The following CTNNA3 variants were observed in gnomAD, a reference collection of about 807,000 sequenced individuals.
CTNNA3 encodes catenin alpha-3.
Under a neutral mutation model 95.7 loss-of-function variants are expected in CTNNA3, and 76 were observed. The ratio of observed to expected loss-of-function variants is 0.79; its 90% CI spans 0.66 to 0.96. CTNNA3 has a LOEUF of 0.96. CTNNA3 is among the 40% of genes least tolerant of loss of function. The pLI, the probability that CTNNA3 is intolerant of heterozygous loss-of-function variation, is 0.00. For synonymous variants in CTNNA3, 431 were observed against 374.4 expected, an observed-to-expected ratio of 1.15 and a Z score of -1.74; for missense variants, 1,191 against 1,089.8, an observed-to-expected ratio of 1.09 and a Z score of -1.31.
chr10:67,582,875 T>C (rs994478789), intron 3 of CTNNA3, among the ~76,000 whole-genome samples: 24 of 152,084 alleles, frequency 1.6e-4, no homozygotes, highest in African/African-American at 5.8e-4. Context: ...GAGACTAGGA[T>C]TGCAACCCCT....
chr10:66,348,052 G>T (rs534660953), intron 12 of CTNNA3, among the ~76,000 whole-genome samples: 1 of 152,012 alleles, frequency 6.6e-6, no homozygotes, highest in South Asian at 2.1e-4. Context: ...GAATAACAAA[G>T]ACAAAAAACA....
intron 15 of CTNNA3, among the ~76,000 whole-genome samples, chr10:66,052,388 C>G (rs575564857): frequency 6.6e-6 from 1 of 152,118 alleles, no homozygotes; most frequent in East Asian, 1.9e-4. Flanking sequence ...TGAGTACTTA[C>G]TTGAAATGAA....
chr10:66,232,374 C>A (rs1226984661), intron 13 of CTNNA3, among the ~76,000 whole-genome samples: 2 of 151,890 alleles, frequency 1.3e-5, no homozygotes, highest in African/African-American at 4.8e-5. Flanking sequence ...AATCCCAGGA[C>A]CTTTCTGTGC....
chr10:67,316,084 A>T (rs1429259527), intron 5 of CTNNA3, among the ~76,000 whole-genome samples: 1 of 152,150 alleles, frequency 6.6e-6, no homozygotes, highest in African/African-American at 2.4e-5. Context: ...ATGGTAATGA[A>T]ATATTTATCT....
At chr10:66,420,985 G>C (rs12257145) in intron 11 of CTNNA3, among the ~76,000 whole-genome samples, 58,080 of 151,836 alleles carry the variant, frequency 0.38, 11,675 homozygotes, top group African/African-American at 0.5. Flanking sequence ...TAGCACTATT[G>C]ATAATAGCAA....
chr10:67,215,710 G>A (rs944863709), intron 6 of CTNNA3, among the ~76,000 whole-genome samples: 4 of 152,042 alleles, frequency 2.6e-5, no homozygotes, highest in Non-Finnish European at 5.9e-5. Flanking sequence ...CCTGCTATTC[G>A]GGTTAGTGTT....
intron 11 of CTNNA3, among the ~76,000 whole-genome samples, chr10:66,447,138 A>T (rs1328126232): frequency 6.6e-6 from 1 of 151,984 alleles, no homozygotes. Context: ...GGGCCTCTTC[A>T]AGGAGAACTA....
intron 13 of CTNNA3, among the ~76,000 whole-genome samples, chr10:66,138,716 A>T (rs7913205): frequency 1.3e-5 from 2 of 151,994 alleles, no homozygotes; most frequent in African/African-American, 2.4e-5. Context: ...GAAATCAGCC[A>T]GGTGTGGTGG....
intron 5 of CTNNA3, among the ~76,000 whole-genome samples, chr10:67,411,921 T>G (rs77995847): frequency 0.013 from 1,906 of 152,268 alleles, 41 homozygotes; most frequent in African/African-American, 0.042. Flanking sequence ...TGTCATTTAA[T>G]TCTTATTCTT....
intron 13 of CTNNA3, among the ~76,000 whole-genome samples, chr10:66,108,633 A>C (rs960233195): frequency 6.6e-6 from 1 of 151,348 alleles, no homozygotes; most frequent in Non-Finnish European, 1.5e-5. Flanking sequence ...GGTGGGTTAC[A>C]TTTTTTATTT....
At chr10:66,900,062 T>C (rs1589394262) in intron 7 of CTNNA3, among the ~76,000 whole-genome samples, 1 of 152,064 alleles carries the variant, frequency 6.6e-6, no homozygotes, top group African/African-American at 2.4e-5. Flanking sequence ...GATCCCTGAC[T>C]CTGTGTAGCC....
chr10:66,515,238 G>T (rs1322454452), intron 11 of CTNNA3, among the ~76,000 whole-genome samples: 1 of 150,328 alleles, frequency 6.7e-6, no homozygotes, highest in East Asian at 1.9e-4. Context: ...GAAGAAAATG[G>T]AAATCTGTTT....
In CTNNA3 at chr10:67,368,735, T is replaced by C. The variant is rs570577702; in HGVS notation, c.580-148865A>G. 5.9e-5 allele frequency among the ~76,000 whole-genome samples: 9 copies of C among 152,284 alleles called. No homozygotes were observed. In the South Asian group the frequency reaches 1.9e-3, roughly 32 times the overall value. ...TGGATGAATCTCAAAATAATTATGCTGAGTGAAAAAAAGCTACATAAAAAG... is the reference window on the plus strand; with the variant it reads ...TGGATGAATCTCAAAATAATTATGCCGAGTGAAAAAAAGCTACATAAAAAG... On this transcript the variant is annotated intron_variant, in intron 5 of 17. Coordinates refer to ENST00000433211, the MANE Select transcript of CTNNA3 (RefSeq NM_013266.4).
At chr10:66,187,151 A>G (rs1020060349) in intron 13 of CTNNA3, among the ~76,000 whole-genome samples, 1 of 152,102 alleles carries the variant, frequency 6.6e-6, no homozygotes, top group Non-Finnish European at 1.5e-5. Context: ...CTATGTGCAA[A>G]AATATTTGGC....
At chr10:67,212,020 G>C (rs1392051481) in intron 6 of CTNNA3, among the ~76,000 whole-genome samples, 5 of 151,808 alleles carry the variant, frequency 3.3e-5, no homozygotes, top group Non-Finnish European at 7.4e-5. Context: ...CTAGCACAAG[G>C]GTTCACACAG....
At chr10:66,283,504 A>G (rs1344776683) in intron 12 of CTNNA3, among the ~76,000 whole-genome samples, 11 of 151,966 alleles carry the variant, frequency 7.2e-5, no homozygotes, top group African/African-American at 2.4e-4. Context: ...CTGTGAAGTA[A>G]CTGCAAGAAA....
chr10:67,068,133 A>G lies in CTNNA3; in HGVS notation c.1047+112184T>C, dbSNP rs112718352. Among the ~76,000 whole-genome samples the G allele has an allele frequency of 4.9e-3, 748 of 152,336 alleles. 6 individuals are homozygous for G. The highest frequency in any genetic ancestry group is 0.017 in the African/African-American group (706 of 41,580). ...TTTTTGGAAACTATTTAGAGAAATA[A>G]TGAGAGCTAAACTAAGCTGAGTCAG... On this transcript the variant is annotated intron_variant, in intron 7 of 17. Transcript: ENST00000433211.
At chr10:66,525,068 A>AAAAG (rs927540930) in intron 10 of CTNNA3, among the ~76,000 whole-genome samples, 9 of 152,118 alleles carry the variant, frequency 5.9e-5, no homozygotes, top group East Asian at 1.9e-4. Flanking sequence ...AAAAGAAAAG[A>AAAAG]AAAGAAAGAA....
At chr10:67,745,367 G>A (rs1195778574) in intron 1 of CTNNA3, among the ~76,000 whole-genome samples, 5 of 152,002 alleles carry the variant, frequency 3.3e-5, no homozygotes, top group African/African-American at 1.2e-4. Flanking sequence ...TAGTGACATG[G>A]TTGAAGCTGG....
Sources: gnomAD v4.1 joint callset for allele counts (sites outside exome capture counted in the v4.1 genomes callset) on GRCh38, gnomAD v4.1.1 for gene constraint, MANE v1.5 for transcripts, NCBI Gene and HGNC (gene_info 2026-07-23, HGNC 2026-07-21) for gene names.